Variants in DHX9 observed in about 807,000 individuals in gnomAD.
DHX9 encodes DExH-box helicase 9.
Under a neutral mutation model 148.7 loss-of-function variants are expected in DHX9, and 27 were observed. The ratio of observed to expected loss-of-function variants is 0.18; its 90% CI spans 0.13 to 0.25. DHX9 has a LOEUF of 0.25. Among genes scored for constraint, DHX9 ranks in the 10% least tolerant of loss-of-function variants. The pLI is 1.00. For missense variants in DHX9, 796 were observed against 1,559.6 expected, an observed-to-expected ratio of 0.51 and a Z score of 8.25; for synonymous variants, 529 against 516.6, an observed-to-expected ratio of 1.02 and a Z score of -0.33.
At chr1:182,845,507 T>C (rs936274657) in intron 3 of DHX9, among the ~76,000 whole-genome samples, 1 of 151,492 alleles carries the variant, frequency 6.6e-6, no homozygotes, top group African/African-American at 2.4e-5. Context: ...AAATGTGGGG[T>C]GGAGGTGGGG....
chr1:182,854,405 T>C (rs1418909308), intron 6 of DHX9, among the ~76,000 whole-genome samples: 4 of 152,244 alleles, frequency 2.6e-5, no homozygotes, highest in Non-Finnish European at 5.9e-5. Flanking sequence ...GTAAATCTTT[T>C]TGACATGCTA....
intron 3 of DHX9, among the ~76,000 whole-genome samples, chr1:182,846,036 C>A (rs775814310): frequency 2.0e-5 from 3 of 152,216 alleles, no homozygotes; most frequent in African/African-American, 7.2e-5. Flanking sequence ...TCTCACTTCC[C>A]CAGAGGCTGG....
intron 3 of DHX9, among the ~76,000 whole-genome samples, chr1:182,847,426 A>C (rs1252336017): frequency 6.6e-6 from 1 of 152,162 alleles, no homozygotes; most frequent in East Asian, 1.9e-4. Flanking sequence ...CTCAAACTGC[A>C]AATGCTGTCT....
At chr1:182,870,840 C>T (rs1381772656) in intron 14 of DHX9, among the ~76,000 whole-genome samples, 4 of 152,116 alleles carry the variant, frequency 2.6e-5, no homozygotes, top group Non-Finnish European at 5.9e-5. Flanking sequence ...ACATATTTAA[C>T]CCAGAATATC....
chr1:182,846,350 C>A (rs926713344), intron 3 of DHX9, among the ~76,000 whole-genome samples: 1 of 151,924 alleles, frequency 6.6e-6, no homozygotes, highest in Non-Finnish European at 1.5e-5. Flanking sequence ...GATTCTCCTG[C>A]CTCAGGCAGG....
At chr1:182,841,259 C>G (rs1652738972) in intron 1 of DHX9, among the ~76,000 whole-genome samples, 1 of 151,978 alleles carries the variant, frequency 6.6e-6, no homozygotes, top group African/African-American at 2.4e-5. Flanking sequence ...CCCCTGCACT[C>G]CAGCCTGAGC....
intron 20 of DHX9, among the ~76,000 whole-genome samples, chr1:182,878,635 T>C (rs1390999255): frequency 6.6e-6 from 1 of 152,216 alleles, no homozygotes; most frequent in African/African-American, 2.4e-5. Context: ...AGGTCAGATA[T>C]CTCTTTTAAA....
At chr1:182,866,861 TA>T in intron 13 of DHX9, 99 bp from the exon 14 acceptor site, 2 of 940,146 alleles carry the variant, frequency 2.1e-6, no homozygotes, top group South Asian at 1.7e-5. Context: ...GATTATTTTC[TA>T]AAATGATGCT....
rs961412267 is a variant in DHX9, at chr1:182,853,326, G to C, written c.385G>C (p.Ala129Pro). 3 of 1,613,046 alleles carry C rather than the reference G, an allele frequency of 1.9e-6. No homozygotes were observed. Among genetic ancestry groups the C allele is most frequent in the Admixed American group, 1.7e-5 (1 of 59,850 alleles). The change falls in exon 5 of 28, where the codon GCC becomes CCC. Residue 129 changes from alanine (A) to proline (P), a missense_variant. Coordinates refer to ENST00000367549, the MANE Select transcript of DHX9 (RefSeq NM_001357.5). ...LKAENNSEVG[A>P]SGYGVPGPTW... ...AACAGAAAATAATTCTGAGGTAGGG[G>C]CCTCTGGCTATGGTGTTCCTGGGCC...
chr1:182,859,551 AC>A (rs1244020018), intron 11 of DHX9, among the ~76,000 whole-genome samples: 9 of 152,286 alleles, frequency 5.9e-5, no homozygotes, highest in Non-Finnish European at 7.4e-5. Flanking sequence ...TTTGAAAAAA[AC>A]ATTTTCATCA....
At position 182,878,127 on chromosome 1, in the gene DHX9, C is replaced by T. The variant is rs750571808; in HGVS notation, c.2305C>T (p.Arg769Trp). ...EQRKGRAGRV[R>W]PGFCFHLCSR... ...ACGGAAAGGGCGAGCTGGCCGAGTACGGCCTGGATTCTGCTTTCACCTGTG... is the reference window on the plus strand; with the variant it reads ...ACGGAAAGGGCGAGCTGGCCGAGTATGGCCTGGATTCTGCTTTCACCTGTG... Residue 769 changes from arginine (R) to tryptophan (W), a missense_variant, in exon 20 of 28, where the codon CGG becomes TGG. By Grantham distance (101) the Arg-to-Trp change is moderately radical (BLOSUM62 -3). Around this residue, in one of 14 missense-constraint regions of DHX9, gnomAD observed 122 missense variants for 289.3 expected, o/e 0.42. Transcript: ENST00000367549. 7 of 1,614,090 alleles carry T rather than the reference C, an allele frequency of 4.3e-6. No individual in the cohort carries two copies. Among genetic ancestry groups the T allele is most frequent in the Non-Finnish European group, 5.9e-6 (7 of 1,180,050 alleles).
intron 8 of DHX9, 105 bp from the exon 9 acceptor site, chr1:182,858,446 G>A (rs1385089359): frequency 8.7e-7 from 1 of 1,152,076 alleles, no homozygotes; most frequent in Non-Finnish European, 1.2e-6. Context: ...AAAGGGAACT[G>A]ACTATTGGTT....
At chr1:182,876,686 G>A in intron 18 of DHX9, 144 bp from the exon 19 acceptor site, 1 of 931,860 alleles carries the variant, frequency 1.1e-6, no homozygotes, top group Non-Finnish European at 1.6e-6. Context: ...GAGCTTAGTA[G>A]ATTGTTGTTC....
chr1:182,880,378 G>T, intron 21 of DHX9, 119 bp from the exon 22 acceptor site: 1 of 588,640 alleles, frequency 1.7e-6, no homozygotes. Flanking sequence ...CATGGTATTA[G>T]CGATTGGCTT....
intron 12 of DHX9, among the ~76,000 whole-genome samples, chr1:182,865,187 G>A (rs990000918): frequency 2.6e-5 from 4 of 152,200 alleles, no homozygotes; most frequent in Admixed American, 2.6e-4. Context: ...GTTACATTTT[G>A]TACCTTTAGT....
At chr1:182,886,344 C>T (rs1649331572) in intron 27 of DHX9, among the ~76,000 whole-genome samples, 1 of 151,900 alleles carries the variant, frequency 6.6e-6, no homozygotes. Flanking sequence ...TACAGGCACA[C>T]ACTGCCACGC....
At chr1:182,858,272 T>G (rs186272949) in intron 8 of DHX9, 32 bp downstream of exon 8, 155 of 1,598,920 alleles carry the variant, frequency 9.7e-5, no homozygotes, top group Non-Finnish European at 1.3e-4. Context: ...ACTTGTGAGA[T>G]AGTGTGAGAT....
intron 15 of DHX9, among the ~76,000 whole-genome samples, chr1:182,873,249 C>T (rs1460945900): frequency 6.6e-6 from 1 of 152,216 alleles, no homozygotes; most frequent in Non-Finnish European, 1.5e-5. Flanking sequence ...AGCCACTGCG[C>T]CCAGCCTTCT....
At chr1:182,867,872 A>T (rs1445028462) in intron 14 of DHX9, among the ~76,000 whole-genome samples, 1 of 152,252 alleles carries the variant, frequency 6.6e-6, no homozygotes, top group Admixed American at 6.5e-5. Flanking sequence ...ATGCAATTAA[A>T]TGATATGAAA....
Sources: allele counts gnomAD v4.1 joint callset (sites outside exome capture counted in the v4.1 genomes callset), GRCh38; gene constraint gnomAD v4.1.1; regional missense constraint gnomAD v4.1.1; transcripts MANE v1.5; gene names NCBI Gene and HGNC (gene_info 2026-07-23, HGNC 2026-07-21).